FAM120B: variants seen among roughly 807,000 people sequenced by gnomAD.
FAM120B encodes the protein constitutive coactivator of peroxisome proliferator-activated receptor gamma.
Under a neutral mutation model 96.3 loss-of-function variants are expected in FAM120B, and 83 were observed. That is an observed-to-expected ratio of 0.86 (90% confidence interval 0.72 to 1.03). The LOEUF (loss-of-function observed/expected upper bound fraction) is 1.03, where lower values mean the gene tolerates loss of function less well. FAM120B is among the 50% of genes least tolerant of loss of function. The probability of loss-of-function intolerance (pLI) is 0.00; values close to 1 mark genes in which losing one functional copy is unlikely to be tolerated. For missense variants in FAM120B, 1,027 were observed against 1,121.2 expected, an observed-to-expected ratio of 0.92 and a Z score of 1.20; for synonymous variants, 407 against 402.7, an observed-to-expected ratio of 1.01 and a Z score of -0.13.
At chr6:170,298,664 A>AT (rs1312504660) in intron 1 of FAM120B, among the ~76,000 whole-genome samples, 18 of 151,904 alleles carry the variant, frequency 1.2e-4, no homozygotes, top group African/African-American at 4.4e-4. Context: ...GTGAGTCTGA[A>AT]TTTTTTTTAG....
chr6:170,305,133 C>T (rs935035106), upstream of FAM120B, among the ~76,000 whole-genome samples: 1 of 152,110 alleles, frequency 6.6e-6, no homozygotes, highest in Non-Finnish European at 1.5e-5. Context: ...CTCCAAAGAC[C>T]ATCACGCTGG....
In FAM120B at chr6:170,379,087, A is replaced by C. The variant is rs2115279199; in HGVS notation, c.2284-9200A>C. ...AGACATGGAACGAAGGAATGACATG[A>C]CCCAACTCACCTTTTGGAAGGATCA... On this transcript the variant is annotated intron_variant, in intron 6 of 10. Transcript: ENST00000476287. 1.3e-5 allele frequency among the ~76,000 whole-genome samples: 2 copies of C among 152,296 alleles called. 1 individual carries two copies. Among genetic ancestry groups the C allele is most frequent in the South Asian group, 4.1e-4 (2 of 4,826 alleles).
chr6:170,309,480 T>G (rs1423308504), intron 1 of FAM120B, among the ~76,000 whole-genome samples: 1 of 152,220 alleles, frequency 6.6e-6, no homozygotes, highest in Non-Finnish European at 1.5e-5. Context: ...AAACAAATAT[T>G]AATAAAGAGG....
intron 1 of FAM120B, among the ~76,000 whole-genome samples, chr6:170,316,093 C>G (rs1169478927): frequency 2.1e-5 from 3 of 142,624 alleles, no homozygotes; most frequent in African/African-American, 7.7e-5. Flanking sequence ...TCAGTATATT[C>G]TTAAAAGATA....
At chr6:170,302,505 A>C (rs189617978), upstream of FAM120B, among the ~76,000 whole-genome samples, 1 of 152,322 alleles carries the variant, frequency 6.6e-6, no homozygotes, top group East Asian at 1.9e-4. Flanking sequence ...TTCAGCATCC[A>C]AATAAAAACT....
rs552040564 is a variant in FAM120B, at chr6:170,386,725, A to G, written c.2284-1562A>G. ...CCTTTCTTCCAGAGAGCAGAAGAAG[A>G]AGGAAGGCTTTCCAACTGTTTCTCT... is the stretch of plus-strand genomic sequence containing the variant. On this transcript the variant is annotated intron_variant, in intron 6 of 10. Coordinates refer to ENST00000476287, the MANE Select transcript of FAM120B (RefSeq NM_032448.3). Among the ~76,000 whole-genome samples, 6 of 152,374 alleles carry G rather than the reference A, an allele frequency of 3.9e-5. No individual in the cohort carries two copies. In the South Asian group the frequency reaches 6.2e-4, roughly 16 times the overall value.
chr6:170,387,264 T>TA (rs1413576528), intron 6 of FAM120B, among the ~76,000 whole-genome samples: 1 of 152,250 alleles, frequency 6.6e-6, no homozygotes, highest in Non-Finnish European at 1.5e-5. Context: ...CAGTTCATGA[T>TA]ACGTTTCTTA....
intron 6 of FAM120B, among the ~76,000 whole-genome samples, chr6:170,378,649 T>G (rs1021040271): frequency 6.6e-6 from 1 of 151,374 alleles, no homozygotes; most frequent in Admixed American, 6.6e-5. Flanking sequence ...GCAGGGGAAA[T>G]GGACAGGAAG....
At chr6:170,321,880 C>G (rs571993898) in intron 2 of FAM120B, among the ~76,000 whole-genome samples, 27 of 152,298 alleles carry the variant, frequency 1.8e-4, no homozygotes, top group African/African-American at 6.0e-4. Context: ...ATCAACATAA[C>G]TAGGACTATT....
chr6:170,302,441 T>C (rs2005443), upstream of FAM120B, among the ~76,000 whole-genome samples: 13,540 of 152,218 alleles, frequency 0.089, 817 homozygotes, highest in African/African-American at 0.16. Context: ...AACCATATCA[T>C]TGCCCAAATA....
upstream of FAM120B, among the ~76,000 whole-genome samples, chr6:170,291,862 C>G (rs948171915): frequency 3.0e-4 from 45 of 152,196 alleles, no homozygotes; most frequent in African/African-American, 1.0e-3. Context: ...GCGCCCTCCC[C>G]CACAGGATCC....
At chr6:170,349,494 G>A (rs1230279043) in intron 5 of FAM120B, among the ~76,000 whole-genome samples, 1 of 152,162 alleles carries the variant, frequency 6.6e-6, no homozygotes, top group Non-Finnish European at 1.5e-5. Context: ...CCATTCTATA[G>A]CTTGCTCTAC....
At chr6:170,361,229 TATATATAC>T (rs1401777189) in intron 6 of FAM120B, among the ~76,000 whole-genome samples, 7 of 125,274 alleles carry the variant, frequency 5.6e-5, no homozygotes, top group Admixed American at 1.7e-4. Context: ...TATATATATA[TATATATAC>T]ACGTATATAT....
chr6:170,391,890 G>T (rs1449674613), intron 8 of FAM120B, among the ~76,000 whole-genome samples: 2 of 152,202 alleles, frequency 1.3e-5, no homozygotes, highest in African/African-American at 2.4e-5. Context: ...CATGCAGTTT[G>T]CATCCTGCTT....
intron 4 of FAM120B, among the ~76,000 whole-genome samples, chr6:170,335,883 A>G (rs1786387894): frequency 6.6e-6 from 1 of 152,108 alleles, no homozygotes. Context: ...CATATCCTTC[A>G]TCCACTTTTT....
At chr6:170,380,490 T>C (rs1018985863) in intron 6 of FAM120B, among the ~76,000 whole-genome samples, 11 of 152,236 alleles carry the variant, frequency 7.2e-5, no homozygotes, top group African/African-American at 2.7e-4. Flanking sequence ...GGGTTCCCCT[T>C]TCTCCACATC....
chr6:170,304,781 C>G (rs1784220660), upstream of FAM120B, among the ~76,000 whole-genome samples: 1 of 152,078 alleles, frequency 6.6e-6, no homozygotes, highest in Admixed American at 6.5e-5. Context: ...CCTTCCTCTT[C>G]TAACCCTTTG....
chr6:170,363,037 A>G lies in FAM120B; in HGVS notation c.2283+4719A>G, dbSNP rs2115211341. Among the ~76,000 whole-genome samples, 1 of 152,198 alleles carries G rather than the reference A, an allele frequency of 6.6e-6. No homozygotes were observed. On this transcript the variant is annotated intron_variant, in intron 6 of 10. Transcript: ENST00000476287. The surrounding 1 kb of genome is among the most constrained non-coding windows in gnomAD (Gnocchi z 4.5). The stretch of plus-strand genomic sequence containing the variant: ...CTCTTTTTGGAGAAAAAGCCGAGAA[A>G]TTCCTCTGCCTTTCTTTGCCCCATC...
At chr6:170,400,945 G>A (rs923528141) in intron 9 of FAM120B, among the ~76,000 whole-genome samples, 11 of 152,112 alleles carry the variant, frequency 7.2e-5, no homozygotes, top group African/African-American at 2.2e-4. Flanking sequence ...TTCATGTGAC[G>A]ACAGAGACTA....
Sources: allele counts gnomAD v4.1 joint callset (sites outside exome capture counted in the v4.1 genomes callset), GRCh38; gene constraint gnomAD v4.1.1; non-coding constraint Gnocchi (gnomAD v3.1); transcripts MANE v1.5; gene names NCBI Gene and HGNC (gene_info 2026-07-23, HGNC 2026-07-21).